ADCY3: variants seen among roughly 807,000 people sequenced by gnomAD.
ADCY3 encodes the protein adenylate cyclase 3, also known as adenylate cyclase type 3.
In ADCY3, 70 loss-of-function variants were observed where a neutral mutation model predicts 119.4. The observed-to-expected ratio is 0.59, with a 90% confidence interval of 0.48 to 0.72. ADCY3 has a LOEUF of 0.72. Ranked by LOEUF, ADCY3 falls within the 30% of genes least tolerant of loss-of-function variation. The probability of loss-of-function intolerance (pLI) is 0.00; values close to 1 mark genes in which losing one functional copy is unlikely to be tolerated. For synonymous variants in ADCY3, 672 were observed against 621.4 expected (o/e 1.08, Z -1.21); for missense variants, 1,238 against 1,541.6 (o/e 0.80, Z 3.30).
At chr2:24,829,597 AT>A (rs969017762) in intron 13 of ADCY3, among the ~76,000 whole-genome samples, 3 of 150,382 alleles carry the variant, frequency 2.0e-5, no homozygotes, top group Non-Finnish European at 4.4e-5. Context: ...ATTTTTTTGT[AT>A]TTTTAGTAGA....
At position 24,830,694 on chromosome 2, in the gene ADCY3, ACAG is replaced by A; in HGVS notation, c.2172+12_2172+14del. ...GAACAGGGGCGTCCCTTCAACAAGG[ACAG>A]CAGGAGCTCACCATGTCCACGACAT... On this transcript the variant is annotated intron_variant, in intron 13 of 21. Coordinates refer to ENST00000679454, the MANE Select transcript of ADCY3 (RefSeq NM_004036.5). The A allele has an allele frequency of 6.2e-7, 1 of 1,607,074 alleles. No individual in the cohort carries two copies. Among genetic ancestry groups the A allele is most frequent in the Non-Finnish European group, 8.5e-7 (1 of 1,174,214 alleles).
At chr2:24,887,518 G>A (rs1237340956) in intron 2 of ADCY3, among the ~76,000 whole-genome samples, 1 of 152,078 alleles carries the variant, frequency 6.6e-6, no homozygotes, top group Non-Finnish European at 1.5e-5. Context: ...GCCAAGTCCC[G>A]AGGGGTTCAC....
intron 3 of ADCY3, among the ~76,000 whole-genome samples, chr2:24,848,202 G>A (rs560786401): frequency 3.3e-5 from 5 of 152,334 alleles, no homozygotes; most frequent in African/African-American, 9.6e-5. Context: ...ATGAGGACAA[G>A]GAACACCTGG....
chr2:24,903,465 G>A (rs906594997), intron 2 of ADCY3, among the ~76,000 whole-genome samples: 3 of 152,054 alleles, frequency 2.0e-5, no homozygotes, highest in African/African-American at 4.8e-5. Context: ...CCGGGTCTGC[G>A]CTTCCCGGGG....
In ADCY3 at chr2:24,838,615, G is replaced by A; in HGVS notation, c.1363C>T (p.His455Tyr). The part of the protein sequence containing the change: ...MEAGGIPGRV[H>Y]ISQSTMDCLK... ...CAGTCCATGGTGCTCTGGGAGATGTGCACGCGCCTGGATTGCAGAGAGAGA... is the reference window on the plus strand; with the variant it reads ...CAGTCCATGGTGCTCTGGGAGATGTACACGCGCCTGGATTGCAGAGAGAGA... Residue 455 changes from histidine (H) to tyrosine (Y), a missense_variant, in exon 8 of 22, where the codon CAC becomes TAC. By Grantham distance (83) the His-to-Tyr change is moderately conservative. This residue lies in a region of ADCY3 where 283 missense variants were observed against 437.2 expected (regional missense o/e 0.65). Transcript: ENST00000679454. 6.2e-7 allele frequency: 1 copy of A among 1,613,876 alleles called. No homozygotes were observed. Among genetic ancestry groups the A allele is most frequent in the East Asian group, 2.2e-5 (1 of 44,882 alleles).
rs1332999123 is a variant in ADCY3, at chr2:24,878,499, GA to G, written c.676-5781del. On this transcript the variant is annotated intron_variant, in intron 2 of 21. Transcript: ENST00000679454. The surrounding 1 kb of genome is among the most constrained non-coding windows in gnomAD (Gnocchi z 4.0). ...ACTGTGGAGAAGAAGCTGAGCAAGA[GA>G]AAGCTGCTCAGGGTGCAGTGTCCGT... Among the ~76,000 whole-genome samples, 1 of 152,236 alleles carries G rather than the reference GA, an allele frequency of 6.6e-6. No individual in the cohort carries two copies. Among genetic ancestry groups the G allele is most frequent in the Non-Finnish European group, 1.5e-5 (1 of 68,032 alleles).
At chr2:24,902,716 C>T (rs876186) in intron 2 of ADCY3, among the ~76,000 whole-genome samples, 79,947 of 151,864 alleles carry the variant, frequency 0.53, 23,370 homozygotes, top group African/African-American at 0.8. Context: ...GATGATCCAC[C>T]TCCACTTAAT....
At position 24,819,570 on chromosome 2, in the gene ADCY3, G is replaced by A; in HGVS notation, c.*362C>T. 5.7e-6 allele frequency: 1 copy of A among 174,434 alleles called. No homozygotes were observed. The highest frequency in any genetic ancestry group is 1.2e-5 in the Non-Finnish European group (1 of 81,864). 10.8% of individuals were successfully genotyped at this position (174,434 alleles called of 1,614,324 possible). ...TGTCTGAAGTGGAGCTTCCCCGCCT[G>A]TGCTCCCTCCACAGTCCCGGAAAGC... On this transcript the variant is annotated 3_prime_UTR_variant, in exon 22 of 22. Transcript: ENST00000679454.
At chr2:24,821,411 C>A (rs1486460398) in intron 20 of ADCY3, 106 bp downstream of exon 20, 5 of 1,497,234 alleles carry the variant, frequency 3.3e-6, no homozygotes, top group Non-Finnish European at 4.5e-6. Flanking sequence ...ACCTCCCCAC[C>A]CGAATTGCCT....
At chr2:24,857,168 A>G (rs1673095571) in intron 3 of ADCY3, among the ~76,000 whole-genome samples, 1 of 152,246 alleles carries the variant, frequency 6.6e-6, no homozygotes, top group African/African-American at 2.4e-5. Context: ...GACACCGAAC[A>G]TGTGGGACTT....
chr2:24,876,476 A>G (rs943653525), intron 2 of ADCY3, among the ~76,000 whole-genome samples: 10 of 152,214 alleles, frequency 6.6e-5, no homozygotes, highest in Admixed American at 6.5e-4. Context: ...CTCTAAGCTA[A>G]TAAGATTCAG....
In ADCY3 at chr2:24,826,027, C is replaced by T. The variant is rs749634864; in HGVS notation, c.2577+18G>A. On this transcript the variant is annotated intron_variant, in intron 16 of 21. Coordinates refer to ENST00000679454, the MANE Select transcript of ADCY3 (RefSeq NM_004036.5). ...TGGGCTGTGGGCACAGAGCGGGGAT[C>T]GTGCAGGCGGCACTCACGTGGCGGG... 25 of 1,612,184 alleles carry T rather than the reference C, an allele frequency of 1.6e-5. No homozygotes were observed. Among genetic ancestry groups the T allele is most frequent in the Middle Eastern group, 1.6e-4 (1 of 6,082 alleles).
In ADCY3 at chr2:24,919,097, CTCT is replaced by C. The variant is rs1664812308; in HGVS notation, c.-113_-111del. On this transcript the variant is annotated 5_prime_UTR_variant, in exon 2 of 22. Coordinates refer to ENST00000679454, the MANE Select transcript of ADCY3 (RefSeq NM_004036.5). The surrounding 1 kb of genome is among the most constrained non-coding windows in gnomAD (Gnocchi z 5.5). Reference sequence around the variant, plus strand: ...CTGAGACCGGGGGAGGGCTGAGGGCCTCTTCTTGTCTGGGGCGGAGGGGAGGCC... The same window carrying C: ...CTGAGACCGGGGGAGGGCTGAGGGCCTCTTGTCTGGGGCGGAGGGGAGGCC... 2 of 1,212,970 alleles carry C rather than the reference CTCT, an allele frequency of 1.6e-6. No homozygotes were observed. The highest frequency in any genetic ancestry group is 5.7e-5 in the Admixed American group (2 of 35,320). The allele number at this position is 1,212,970 out of a possible 1,614,324, so 75.1% of individuals were successfully genotyped here. A position where few individuals can be genotyped will look rare whatever the true frequency, so the allele number is the denominator to read the frequency against.
At chr2:24,853,475 T>TC (rs1490623995) in intron 3 of ADCY3, among the ~76,000 whole-genome samples, 3 of 147,094 alleles carry the variant, frequency 2.0e-5, no homozygotes, top group Non-Finnish European at 4.5e-5. Flanking sequence ...ATCTTTTTTT[T>TC]TTTTTTTTTT....
chr2:24,881,404 T>C (rs1676388279), intron 2 of ADCY3, among the ~76,000 whole-genome samples: 1 of 152,100 alleles, frequency 6.6e-6, no homozygotes, highest in African/African-American at 2.4e-5. Context: ...GCAGTGTCAT[T>C]TCAACTGAGA....
In ADCY3 at chr2:24,869,283, T is replaced by G. The variant is rs534836548; in HGVS notation, c.825+3287A>C. On this transcript the variant is annotated intron_variant, in intron 3 of 21. Transcript: ENST00000679454. ...CATGTTTCTGGGGGAAAAAAACCTC[T>G]CTAAAACCTATATAAAAGGAAATAT... Among the ~76,000 whole-genome samples, 3 of 152,296 alleles carry G rather than the reference T, an allele frequency of 2.0e-5. No individual in the cohort carries two copies. In the East Asian group the frequency reaches 5.8e-4, roughly 29 times the overall value.
At chr2:24,914,303 C>T (rs781465842) in intron 2 of ADCY3, among the ~76,000 whole-genome samples, 62 of 152,184 alleles carry the variant, frequency 4.1e-4, no homozygotes, top group Non-Finnish European at 5.6e-4. Flanking sequence ...TGGGAGTCAA[C>T]GCCTGGGCTC....
At chr2:24,882,085 C>A (rs1379074544) in intron 2 of ADCY3, among the ~76,000 whole-genome samples, 1 of 152,202 alleles carries the variant, frequency 6.6e-6, no homozygotes. Context: ...ATGGTGTGAA[C>A]AAGTAGATTT....
At chr2:24,881,125 G>A (rs1296774426) in intron 2 of ADCY3, among the ~76,000 whole-genome samples, 1 of 152,170 alleles carries the variant, frequency 6.6e-6, no homozygotes, top group East Asian at 1.9e-4. Flanking sequence ...ATGCCCATGA[G>A]GGCTGGCTTT....
Sources: allele counts gnomAD v4.1 joint callset (sites outside exome capture counted in the v4.1 genomes callset), GRCh38; gene constraint gnomAD v4.1.1; regional missense constraint gnomAD v4.1.1; non-coding constraint Gnocchi (gnomAD v3.1); transcripts MANE v1.5; gene names NCBI Gene and HGNC (gene_info 2026-07-23, HGNC 2026-07-21).